The following FNDC3B variants were observed in gnomAD, a reference collection of about 807,000 sequenced individuals.
FNDC3B encodes fibronectin type III domain-containing protein 3B.
Under a neutral mutation model 151.5 loss-of-function variants are expected in FNDC3B, and 12 were observed. The observed-to-expected ratio is 0.08, with a 90% CI of 0.05 to 0.13. The LOEUF (loss-of-function observed/expected upper bound fraction) is 0.13, where lower values mean the gene tolerates loss of function less well. Ranked by LOEUF, FNDC3B falls within the 10% of genes least tolerant of loss-of-function variation. The pLI is 1.00. For synonymous variants in FNDC3B, 528 were observed against 549.0 expected (o/e 0.96, Z 0.54); for missense variants, 1,214 against 1,505.3 (o/e 0.81, Z 3.20).
At chr3:172,360,383 T>C (rs754683001) in intron 22 of FNDC3B, among the ~76,000 whole-genome samples, 3 of 152,206 alleles carry the variant, frequency 2.0e-5, no homozygotes, top group Non-Finnish European at 2.9e-5. Context: ...GGCACATACA[T>C]TCTTCCAGTC....
intron 7 of FNDC3B, among the ~76,000 whole-genome samples, chr3:172,288,918 G>A (rs1486070375): frequency 1.3e-5 from 2 of 152,172 alleles, no homozygotes; most frequent in African/African-American, 4.8e-5. Context: ...TCAGACAAGG[G>A]GAGTTTGTAT....
At chr3:172,120,460 A>T (rs1390697336) in intron 2 of FNDC3B, among the ~76,000 whole-genome samples, 1 of 152,142 alleles carries the variant, frequency 6.6e-6, no homozygotes, top group African/African-American at 2.4e-5. Flanking sequence ...ATCTGAAGTA[A>T]CATTCAGTAA....
chr3:172,381,484 A>G lies in FNDC3B; in HGVS notation c.3303+391A>G, dbSNP rs1243747044. 7.5e-5 allele frequency among the ~76,000 whole-genome samples: 11 copies of G among 146,856 alleles called. No individual in the cohort carries two copies. In the East Asian group the frequency reaches 1.2e-3, roughly 16 times the overall value. ...TTAGTATTGATCTTTTTTTTTTTTCATTATACTTTAAGTTCTGGGATACAT... is the reference window on the plus strand; with the variant it reads ...TTAGTATTGATCTTTTTTTTTTTTCGTTATACTTTAAGTTCTGGGATACAT... On this transcript the variant is annotated intron_variant, in intron 25 of 25. Coordinates refer to ENST00000415807, the MANE Select transcript of FNDC3B (RefSeq NM_022763.4).
At chr3:172,254,733 G>A (rs1048814485) in intron 6 of FNDC3B, among the ~76,000 whole-genome samples, 55 of 152,224 alleles carry the variant, frequency 3.6e-4, no homozygotes, top group African/African-American at 1.3e-3. Context: ...CATGACAGAG[G>A]CCCATAGTAC....
intron 1 of FNDC3B, among the ~76,000 whole-genome samples, chr3:172,088,129 G>A (rs931360741): frequency 6.6e-6 from 1 of 152,042 alleles, no homozygotes; most frequent in South Asian, 2.1e-4. Flanking sequence ...ACCTAAATGA[G>A]TGTTGTACAG....
chr3:172,140,930 C>G (rs149127660), intron 3 of FNDC3B, among the ~76,000 whole-genome samples: 2 of 152,280 alleles, frequency 1.3e-5, no homozygotes, highest in African/African-American at 4.8e-5. Flanking sequence ...TGTCATCAGA[C>G]TTAAGATGAA....
chr3:172,253,042 C>T (rs1165323135), intron 6 of FNDC3B, among the ~76,000 whole-genome samples: 1 of 152,088 alleles, frequency 6.6e-6, no homozygotes, highest in Non-Finnish European at 1.5e-5. Flanking sequence ...ATAGATTTTC[C>T]TGAAGAGAAT....
intron 11 of FNDC3B, among the ~76,000 whole-genome samples, chr3:172,327,749 G>A (rs549634804): frequency 3.7e-4 from 56 of 152,228 alleles, no homozygotes; most frequent in Non-Finnish European, 7.3e-4. Flanking sequence ...AGTCAGGCTA[G>A]TGGTGTGTTC....
chr3:172,170,319 C>T (rs971653635), intron 3 of FNDC3B, among the ~76,000 whole-genome samples: 1 of 152,194 alleles, frequency 6.6e-6, no homozygotes, highest in African/African-American at 2.4e-5. Context: ...CCCCGTGTTC[C>T]GCTTTGCCCA....
rs534445659 is a variant in FNDC3B, at chr3:172,163,945, G to C, written c.187+30399G>C. Among the ~76,000 whole-genome samples the C allele has an allele frequency of 2.0e-5, 3 of 152,320 alleles. No individual in the cohort carries two copies. The East Asian group carries it at 5.8e-4, about 29-fold the overall frequency. Reference sequence around the variant, plus strand: ...TAGCAGTTTTGACAGTCTGTTGGTTGCTTCTGTAGCAGTATCTCATTGTGG... The same window carrying C: ...TAGCAGTTTTGACAGTCTGTTGGTTCCTTCTGTAGCAGTATCTCATTGTGG... On this transcript the variant is annotated intron_variant, in intron 3 of 25. Coordinates refer to ENST00000415807, the MANE Select transcript of FNDC3B (RefSeq NM_022763.4).
intron 3 of FNDC3B, among the ~76,000 whole-genome samples, chr3:172,173,566 G>A (rs1161516257): frequency 2.6e-5 from 4 of 151,168 alleles, no homozygotes; most frequent in East Asian, 1.9e-4. Flanking sequence ...AGGCCGAGGC[G>A]GGAGGATCAC....
At chr3:172,329,540 C>T (rs1317600161) in intron 12 of FNDC3B, 1 of 153,772 alleles carries the variant, frequency 6.5e-6, no homozygotes, top group Non-Finnish European at 1.4e-5. Flanking sequence ...GTCTTAGAGG[C>T]CTCTGCAGGC....
chr3:172,083,453 C>T (rs1718383244), intron 1 of FNDC3B, among the ~76,000 whole-genome samples: 1 of 152,222 alleles, frequency 6.6e-6, no homozygotes, highest in Non-Finnish European at 1.5e-5. Flanking sequence ...GGGGAAGATA[C>T]TACCTCATCT....
At chr3:172,185,943 C>T (rs1724154871) in intron 3 of FNDC3B, among the ~76,000 whole-genome samples, 1 of 152,168 alleles carries the variant, frequency 6.6e-6, no homozygotes, top group South Asian at 2.1e-4. Context: ...ACCACACTTT[C>T]TATTTTGCTT....
chr3:172,398,936 A>G lies in FNDC3B; in HGVS notation c.*1461A>G, dbSNP rs1736423367. The G allele has an allele frequency of 1.3e-5, 2 of 152,642 alleles. No homozygotes were observed. Among genetic ancestry groups the G allele is most frequent in the African/African-American group, 2.4e-5 (1 of 41,456 alleles). 9.5% of individuals were successfully genotyped at this position (152,642 alleles called of 1,614,324 possible). On this transcript the variant is annotated 3_prime_UTR_variant, in exon 26 of 26. Transcript: ENST00000415807. ...CATAATGTTCGAGTACCTCAGGGAC[A>G]TTTAAGAGTTGGAGGTGCAAATATA...
intron 1 of FNDC3B, among the ~76,000 whole-genome samples, chr3:172,106,601 A>G (rs947250493): frequency 6.6e-6 from 1 of 152,270 alleles, no homozygotes; most frequent in African/African-American, 2.4e-5. Flanking sequence ...AGTGAGGACC[A>G]GGACATTTTG....
chr3:172,250,074 C>T (rs1258619476), intron 5 of FNDC3B, among the ~76,000 whole-genome samples: 3 of 151,986 alleles, frequency 2.0e-5, no homozygotes, highest in Non-Finnish European at 2.9e-5. Context: ...GATGTAAGGA[C>T]CCAATCTTTA....
At chr3:172,050,751 CTATA>C (rs1358791880) in intron 1 of FNDC3B, among the ~76,000 whole-genome samples, 10 of 149,646 alleles carry the variant, frequency 6.7e-5, no homozygotes, top group African/African-American at 2.5e-4. Flanking sequence ...TGTATATATA[CTATA>C]TATACTCTTT....
intron 1 of FNDC3B, among the ~76,000 whole-genome samples, chr3:172,067,591 A>C (rs1717561507): frequency 6.6e-6 from 1 of 152,248 alleles, no homozygotes. Flanking sequence ...TCATAGAGCT[A>C]CAATTACATC....
Sources: gnomAD v4.1 joint callset for allele counts (sites outside exome capture counted in the v4.1 genomes callset) on GRCh38, gnomAD v4.1.1 for gene constraint, MANE v1.5 for transcripts, NCBI Gene and HGNC (gene_info 2026-07-23, HGNC 2026-07-21) for gene names.